The following PCYT1A variants were observed in gnomAD, a reference collection of about 807,000 sequenced individuals.
PCYT1A encodes phosphate cytidylyltransferase 1A, choline.
Under a neutral mutation model 43.7 loss-of-function variants are expected in PCYT1A, and 25 were observed. That is an observed-to-expected ratio of 0.57 (90% confidence interval 0.42 to 0.80). The LOEUF (loss-of-function observed/expected upper bound fraction) is 0.80, where lower values mean the gene tolerates loss of function less well. PCYT1A is among the 30% of genes least tolerant of loss of function. PCYT1A has a pLI of 0.00. For missense variants in PCYT1A, 421 were observed against 474.2 expected, an observed-to-expected ratio of 0.89 and a Z score of 1.04; for synonymous variants, 172 against 170.7, an observed-to-expected ratio of 1.01 and a Z score of -0.06.
Position 196,236,121 on chromosome 3 carries a change from G to C in PCYT1A, c.*2567C>G, listed in dbSNP as rs572504345. On this transcript the variant is annotated 3_prime_UTR_variant, in exon 9 of 9. Coordinates refer to ENST00000431016, the MANE Select transcript of PCYT1A (RefSeq NM_001312673.2). ...CTGCAGGTCCCGTTCCAAGCACAGG[G>C]CATGCCAAGAGCAGCCCACTGAGAG... The C allele has an allele frequency of 1.3e-5, 2 of 152,346 alleles. No homozygotes were observed. The highest frequency in any genetic ancestry group is 4.1e-4 in the South Asian group (2 of 4,826). 9.4% of individuals were successfully genotyped at this position (152,346 alleles called of 1,614,324 possible). A position where few individuals can be genotyped will look rare whatever the true frequency, so the allele number is the denominator to read the frequency against.
rs1725512572 is a variant in PCYT1A at position 196,273,880 on chromosome 3, A to G, written c.-10-3339T>C. Among the ~76,000 whole-genome samples the G allele has an allele frequency of 6.6e-6, 1 of 152,114 alleles. No individual in the cohort carries two copies. The highest frequency in any genetic ancestry group is 1.5e-5 in the Non-Finnish European group (1 of 68,014). On this transcript the variant is annotated intron_variant, in intron 1 of 8. Coordinates refer to ENST00000431016, the MANE Select transcript of PCYT1A (RefSeq NM_001312673.2). This position sits in a 1 kb window ranked among gnomAD's most constrained non-coding sequence, Gnocchi z 4.1. Reference sequence around the variant, plus strand: ...GTGGGGCTTCACCAGGGACCCGCCCATTTCCGCCTAGGAGCCTGTCTGCCT... The same window carrying G: ...GTGGGGCTTCACCAGGGACCCGCCCGTTTCCGCCTAGGAGCCTGTCTGCCT...
intron 2 of PCYT1A, 25 bp from the exon 3 acceptor site, chr3:196,257,912 A>G (rs537203261): frequency 1.4e-6 from 2 of 1,464,600 alleles, no homozygotes; most frequent in Non-Finnish European, 1.9e-6. Context: ...AGTGAAGGAA[A>G]AGAAAGTTCA....
chr3:196,275,021 G>C (rs893621727), intron 1 of PCYT1A, among the ~76,000 whole-genome samples: 1 of 152,162 alleles, frequency 6.6e-6, no homozygotes, highest in Non-Finnish European at 1.5e-5. Context: ...TCAGTGGTCT[G>C]AGTGAACTAC....
chr3:196,272,732 A>C (rs1050051491), intron 1 of PCYT1A, among the ~76,000 whole-genome samples: 5 of 152,224 alleles, frequency 3.3e-5, no homozygotes, highest in Non-Finnish European at 7.3e-5. Flanking sequence ...TCCTTCCCCC[A>C]AAGGAACTTA....
At chr3:196,239,325 T>C (rs1724280110) in intron 8 of PCYT1A, among the ~76,000 whole-genome samples, 1 of 152,236 alleles carries the variant, frequency 6.6e-6, no homozygotes, top group South Asian at 2.1e-4. Flanking sequence ...GTCACCAGAC[T>C]TTAAGGTTGA....
chr3:196,287,592 G>C (rs770274724), intron 1 of PCYT1A, 23 bp downstream of exon 1: 2 of 152,376 alleles, frequency 1.3e-5, no homozygotes, highest in African/African-American at 2.4e-5. Flanking sequence ...CTCTCAAACA[G>C]AGACGCAAAG....
Position 196,265,749 on chromosome 3 carries a change from C to A in PCYT1A, c.117+4666G>T, listed in dbSNP as rs978160971. Among the ~76,000 whole-genome samples, 41 of 149,870 alleles carry A rather than the reference C, an allele frequency of 2.7e-4. 1 individual carries two copies. The highest frequency in any genetic ancestry group is 7.1e-4 in the African/African-American group (29 of 40,878). ...GCAAGTCCCCCTACCCTTTTTTTTTCTTTTTTGAGACGGAGTCTCGCTCTG... is the reference window on the plus strand; with the variant it reads ...GCAAGTCCCCCTACCCTTTTTTTTTATTTTTTGAGACGGAGTCTCGCTCTG... On this transcript the variant is annotated intron_variant, in intron 2 of 8. Coordinates refer to ENST00000431016, the MANE Select transcript of PCYT1A (RefSeq NM_001312673.2).
chr3:196,266,356 C>CCAG (rs1462226842), intron 2 of PCYT1A, among the ~76,000 whole-genome samples: 1 of 151,540 alleles, frequency 6.6e-6, no homozygotes, highest in Non-Finnish European at 1.5e-5. Context: ...GCCTGTAGTC[C>CCAG]CAGCCACTCG....
intron 7 of PCYT1A, 188 bp downstream of exon 7, chr3:196,241,760 C>A: frequency 8.2e-7 from 1 of 1,213,444 alleles, no homozygotes; most frequent in South Asian, 1.3e-5. Context: ...TGTGTTGGTA[C>A]CAGACCGTAA....
chr3:196,274,218 T>C (rs1039481532), intron 1 of PCYT1A, among the ~76,000 whole-genome samples: 2 of 152,180 alleles, frequency 1.3e-5, no homozygotes, highest in Non-Finnish European at 2.9e-5. Context: ...CAGGGGAGGT[T>C]CCTGGGCCCC....
At chr3:196,270,605 T>A in intron 1 of PCYT1A, 64 bp from the exon 2 acceptor site, 1 of 1,029,850 alleles carries the variant, frequency 9.7e-7, no homozygotes, top group Non-Finnish European at 1.5e-6. Flanking sequence ...GTCACCAGTA[T>A]TTCAGAGACG....
intron 3 of PCYT1A, among the ~76,000 whole-genome samples, chr3:196,249,921 A>G (rs1156645391): frequency 6.6e-6 from 1 of 151,932 alleles, no homozygotes; most frequent in South Asian, 2.1e-4. Context: ...GCTGAGGACC[A>G]GATACACTAT....
At chr3:196,269,734 A>G (rs999695946) in intron 2 of PCYT1A, among the ~76,000 whole-genome samples, 6 of 152,184 alleles carry the variant, frequency 3.9e-5, no homozygotes, top group African/African-American at 1.4e-4. Flanking sequence ...AGATACAACT[A>G]GTAACAGGAT....
In PCYT1A at chr3:196,234,753, T is replaced by TTTC. The variant is rs1724117233; in HGVS notation, c.*3932_*3934dup. 6.6e-6 allele frequency: 1 copy of TTTC among 152,232 alleles called. No homozygotes were observed. Among genetic ancestry groups the TTTC allele is most frequent in the African/African-American group, 2.4e-5 (1 of 41,458 alleles). 9.4% of individuals were successfully genotyped at this position (152,232 alleles called of 1,614,324 possible). A position where few individuals can be genotyped will look rare whatever the true frequency, so the allele number is the denominator to read the frequency against. Reference sequence around the variant, plus strand: ...CATAAAATCTTGGCAGACAACAATCTTTCTTCTTCAAGAAAATTAACATTT... The same window carrying TTTC: ...CATAAAATCTTGGCAGACAACAATCTTTCTTCTTCTTCAAGAAAATTAACATTT... On this transcript the variant is annotated 3_prime_UTR_variant, in exon 9 of 9. Transcript: ENST00000431016.
chr3:196,243,509 C>T (rs1724430327), intron 5 of PCYT1A, among the ~76,000 whole-genome samples: 1 of 151,474 alleles, frequency 6.6e-6, no homozygotes, highest in Admixed American at 6.6e-5. Context: ...TCCCCTCTCC[C>T]TTCTCCCCTC....
intron 7 of PCYT1A, 70 bp downstream of exon 7, chr3:196,241,878 G>T: frequency 6.4e-7 from 1 of 1,563,476 alleles, no homozygotes; most frequent in Non-Finnish European, 8.8e-7. Context: ...AGCCAGTTCA[G>T]CTGAGATGGA....
intron 3 of PCYT1A, among the ~76,000 whole-genome samples, chr3:196,254,076 G>C (rs1292929967): frequency 6.7e-6 from 1 of 149,938 alleles, no homozygotes; most frequent in Non-Finnish European, 1.5e-5. Flanking sequence ...GCCCAGGCTA[G>C]AGTGCAGTGA....
rs1303263775 is a variant in PCYT1A at position 196,239,578 on chromosome 3, A to G, written c.866T>C (p.Phe289Ser). The G allele has an allele frequency of 6.2e-7, 1 of 1,613,226 alleles. No homozygotes were observed. The highest frequency in any genetic ancestry group is 1.3e-5 in the African/African-American group (1 of 75,020). ...EEKSREFIGS[F>S]LEMFGPEGAL... Reference sequence around the variant, plus strand: ...TCCTTCCGGACCAAACATTTCCAGAAAACTTCCAATGAATTCTCGGGACTT... The same window carrying G: ...TCCTTCCGGACCAAACATTTCCAGAGAACTTCCAATGAATTCTCGGGACTT... Residue 289 changes from phenylalanine (F) to serine (S), a missense_variant, in exon 8 of 9, where the codon TTT becomes TCT. Physicochemically the swap from Phe to Ser is radical, Grantham distance 155 (BLOSUM62 -2). Around this residue, in one of 3 missense-constraint regions of PCYT1A, gnomAD observed 174 missense variants for 270.7 expected, o/e 0.64. Coordinates refer to ENST00000431016, the MANE Select transcript of PCYT1A (RefSeq NM_001312673.2).
At chr3:196,260,715 G>A (rs1169475787) in intron 2 of PCYT1A, among the ~76,000 whole-genome samples, 3 of 152,252 alleles carry the variant, frequency 2.0e-5, no homozygotes, top group Admixed American at 2.0e-4. Context: ...CGTGGTGCAT[G>A]CCTGCAATCC....
Sources: gnomAD v4.1 joint callset for allele counts (sites outside exome capture counted in the v4.1 genomes callset) on GRCh38, gnomAD v4.1.1 for gene constraint, gnomAD v4.1.1 regional missense constraint, Gnocchi (gnomAD v3.1) non-coding constraint, MANE v1.5 for transcripts, NCBI Gene and HGNC (gene_info 2026-07-23, HGNC 2026-07-21) for gene names.